The following PDK4 variants were observed in gnomAD, a reference collection of about 807,000 sequenced individuals.
PDK4 encodes pyruvate dehydrogenase kinase, isozyme 4.
Under a neutral mutation model 51.7 loss-of-function variants are expected in PDK4, and 43 were observed. That is an observed-to-expected ratio of 0.83 (90% CI 0.65 to 1.07). The LOEUF (loss-of-function observed/expected upper bound fraction) is 1.07. Ranked by LOEUF, PDK4 falls within the 50% of genes least tolerant of loss-of-function variation. The pLI is 0.00. For synonymous variants in PDK4, 170 were observed against 176.6 expected (o/e 0.96, Z 0.30); for missense variants, 498 against 503.5 (o/e 0.99, Z 0.10).
intron 2 of PDK4, 43 bp from the exon 3 acceptor site, chr7:95,593,813 C>A: frequency 2.3e-6 from 2 of 859,038 alleles, no homozygotes; most frequent in Non-Finnish European, 3.8e-6. Flanking sequence ...AATTAATAGT[C>A]AGATACAAAT....
Position 95,587,709 on chromosome 7 carries a change from A to G in PDK4, c.870+18T>C. 6.5e-7 allele frequency: 1 copy of G among 1,540,476 alleles called. No homozygotes were observed. The highest frequency in any genetic ancestry group is 9.0e-7 in the Non-Finnish European group (1 of 1,112,906). ...ATTCTCTCAAGAGACACCCAAAAGG[A>G]AAACAGAGAATGGTTACCTTAATGG... On this transcript the variant is annotated intron_variant, in intron 8 of 10. Transcript: ENST00000005178.
At chr7:95,587,692 A>C (rs772641810) in intron 8 of PDK4, 35 bp downstream of exon 8, 1 of 1,441,076 alleles carries the variant, frequency 6.9e-7, no homozygotes, top group Admixed American at 1.7e-5. Context: ...TAATTCTCTC[A>C]AGAGACACCC....
Position 95,587,741 on chromosome 7 carries a change from C to G in PDK4, c.856G>C (p.Asp286His). 1 of 1,608,554 alleles carries G rather than the reference C, an allele frequency of 6.2e-7. No individual in the cohort carries two copies. The highest frequency in any genetic ancestry group is 8.5e-7 in the Non-Finnish European group (1 of 1,175,000). ...AGAATGGTTACCTTAATGGTAAGGTCTTCTTTTCCCAAGACAACAATAACC... is the reference window on the plus strand; with the variant it reads ...AGAATGGTTACCTTAATGGTAAGGTGTTCTTTTCCCAAGACAACAATAACC... ...IEVIVVLGKEDLTIKISDRGG... is the reference protein window; with the variant it reads ...IEVIVVLGKEHLTIKISDRGG... The change falls in exon 8 of 11, where the codon GAC (aspartate) becomes CAC (histidine). Residue 286 changes from aspartate to histidine, a missense_variant. Transcript: ENST00000005178.
chr7:95,590,472 A>G (rs1199863289), intron 6 of PDK4, among the ~76,000 whole-genome samples: 1 of 152,208 alleles, frequency 6.6e-6, no homozygotes, highest in African/African-American at 2.4e-5. Context: ...AAATAAAAGT[A>G]TTATTCTTCA....
intron 7 of PDK4, among the ~76,000 whole-genome samples, chr7:95,588,206 T>C (rs1400308540): frequency 6.6e-6 from 1 of 152,182 alleles, no homozygotes; most frequent in African/African-American, 2.4e-5. Context: ...ATATAACAAA[T>C]GAACAGTGAA....
rs1167734278 is a variant in PDK4 at position 95,584,030 on chromosome 7, A to G, written c.*1611T>C. 2.0e-5 allele frequency: 3 copies of G among 152,218 alleles called. No homozygotes were observed. The highest frequency in any genetic ancestry group is 1.5e-5 in the Non-Finnish European group (1 of 68,022). The allele number at this position is 152,218 out of a possible 1,614,324, so 9.4% of individuals were successfully genotyped here. A position where few individuals can be genotyped will look rare whatever the true frequency, so the allele number is the denominator to read the frequency against. On this transcript the variant is annotated 3_prime_UTR_variant, in exon 11 of 11. Transcript: ENST00000005178. ...AGAAGCACCACAACACTAGGCCACC[A>G]TGAAATTACACACAAATGTCAAATT...
intron 1 of PDK4, 73 bp from the exon 2 acceptor site, chr7:95,595,237 T>A: frequency 1.0e-6 from 1 of 981,402 alleles, no homozygotes; most frequent in Admixed American, 2.1e-5. Context: ...GCATTAACTA[T>A]CAAATATTGA....
Position 95,591,981 on chromosome 7 carries a change from A to T in PDK4, c.694+7T>A. The T allele has an allele frequency of 7.3e-7, 1 of 1,370,336 alleles. No homozygotes were observed. Among genetic ancestry groups the T allele is most frequent in the Non-Finnish European group, 1.0e-6 (1 of 980,594 alleles). 84.9% of individuals were successfully genotyped at this position (1,370,336 alleles called of 1,614,324 possible). A position where few individuals can be genotyped will look rare whatever the true frequency, so the allele number is the denominator to read the frequency against. The stretch of plus-strand genomic sequence containing the variant: ...ACAGGTTAAAATATATTTTACTTAT[A>T]ACTTACCATTCACTTGTGTAAGCTT... On this transcript the variant is annotated splice_region_variant and intron_variant, in intron 6 of 10. Coordinates refer to ENST00000005178, the MANE Select transcript of PDK4 (RefSeq NM_002612.4).
At position 95,587,543 on chromosome 7, in the gene PDK4, C is replaced by A; in HGVS notation, c.871-15G>T. ...CTGTCTGAAATCTAAAACAAACAAA[C>A]AAGTCATCAAAGCCACACATTAAAA... On this transcript the variant is annotated splice_polypyrimidine_tract_variant and intron_variant, in intron 8 of 10. Coordinates refer to ENST00000005178, the MANE Select transcript of PDK4 (RefSeq NM_002612.4). The A allele has an allele frequency of 6.7e-7, 1 of 1,496,280 alleles. No individual in the cohort carries two copies. The highest frequency in any genetic ancestry group is 9.3e-7 in the Non-Finnish European group (1 of 1,072,596). 92.7% of individuals were successfully genotyped at this position (1,496,280 alleles called of 1,614,324 possible).
At chr7:95,591,140 T>C (rs1791547783) in intron 6 of PDK4, among the ~76,000 whole-genome samples, 1 of 152,112 alleles carries the variant, frequency 6.6e-6, no homozygotes, top group South Asian at 2.1e-4. Flanking sequence ...CTCCCTTTAT[T>C]GCCCAGGCTG....
intron 6 of PDK4, among the ~76,000 whole-genome samples, chr7:95,591,663 C>T (rs999396576): frequency 6.6e-6 from 1 of 152,152 alleles, no homozygotes; most frequent in African/African-American, 2.4e-5. Flanking sequence ...CTATATCCTC[C>T]CTACTTCTGG....
At position 95,584,186 on chromosome 7, in the gene PDK4, G is replaced by A. The variant is rs1480430908; in HGVS notation, c.*1455C>T. 1.3e-5 allele frequency: 2 copies of A among 152,102 alleles called. No homozygotes were observed. Among genetic ancestry groups the A allele is most frequent in the South Asian group, 2.1e-4 (1 of 4,824 alleles). 9.4% of individuals were successfully genotyped at this position (152,102 alleles called of 1,614,324 possible). ...GCCTACTATCTTGTAAGAGTGAGAG[G>A]CATTTAAAGAATCCATACTGCTTTC... On this transcript the variant is annotated 3_prime_UTR_variant, in exon 11 of 11. Transcript: ENST00000005178.
At position 95,587,788 on chromosome 7, in the gene PDK4, T is replaced by A. The variant is rs773695803; in HGVS notation, c.809A>T (p.Gln270Leu). 3 of 1,613,608 alleles carry A rather than the reference T, an allele frequency of 1.9e-6. No homozygotes were observed. In the Admixed American group the frequency reaches 5.0e-5, roughly 27 times the overall value. The change falls in exon 8 of 11, where the codon CAG (glutamine) becomes CTG (leucine). Residue 270 changes from glutamine (Q) to leucine (L), a missense_variant. Transcript: ENST00000005178. ...AACCTCTATTGGTGTAAGGGAAGGC[T>A]GATTTTCCTGGTGTTCAACTGTTGC... The part of the protein sequence containing the change: ...MRATVEHQEN[Q>L]PSLTPIEVIV...
chr7:95,592,615 C>CT lies in PDK4; in HGVS notation c.530-19_530-18insA. ...TATAAGAACTGTTGAAAAATAAAAACAAAAAAAAATTGTTATAAAATTCAG... is the reference window on the plus strand; with the variant it reads ...TATAAGAACTGTTGAAAAATAAAAACTAAAAAAAAATTGTTATAAAATTCAG... On this transcript the variant is annotated intron_variant, in intron 4 of 10. Transcript: ENST00000005178. 6.5e-7 allele frequency: 1 copy of CT among 1,533,454 alleles called. No individual in the cohort carries two copies. 95.0% of individuals were successfully genotyped at this position (1,533,454 alleles called of 1,614,324 possible). A position where few individuals can be genotyped will look rare whatever the true frequency, so the allele number is the denominator to read the frequency against.
At chr7:95,591,884 G>C (rs1791556396) in intron 6 of PDK4, 104 bp downstream of exon 6, 2 of 642,426 alleles carry the variant, frequency 3.1e-6, no homozygotes, top group South Asian at 4.1e-5. Flanking sequence ...CTTTAGGCAA[G>C]AGAAAAAATG....
At chr7:95,585,811 C>A in intron 10 of PDK4, 30 bp from the exon 11 acceptor site, 1 of 1,568,708 alleles carries the variant, frequency 6.4e-7, no homozygotes, top group Non-Finnish European at 8.7e-7. Flanking sequence ...AAACATGAGA[C>A]CAAAGAAATT....
At chr7:95,593,033 T>C (rs942518844) in intron 3 of PDK4, 89 bp from the exon 4 acceptor site, 2 of 755,396 alleles carry the variant, frequency 2.6e-6, no homozygotes, top group South Asian at 2.3e-5. Context: ...GCTAAAGTTT[T>C]TTTTGCATTA....
chr7:95,589,467 A>G (rs973094677), intron 7 of PDK4, among the ~76,000 whole-genome samples, 173 bp downstream of exon 7: 9 of 152,252 alleles, frequency 5.9e-5, no homozygotes, highest in Admixed American at 6.5e-5. Flanking sequence ...ACAATGAGCT[A>G]CATGTACTTT....
At position 95,591,371 on chromosome 7, in the gene PDK4, T is replaced by C. The variant is rs999849176; in HGVS notation, c.694+617A>G. Among the ~76,000 whole-genome samples the C allele has an allele frequency of 9.2e-5, 14 of 152,336 alleles. 1 individual carries two copies. Among genetic ancestry groups the C allele is most frequent in the African/African-American group, 3.4e-4 (14 of 41,584 alleles). ...ACAAAATGTTAAGTGTACAATACAA[T>C]ATCCTTAACTATAAGCACTATGTTG... is the stretch of plus-strand genomic sequence containing the variant. On this transcript the variant is annotated intron_variant, in intron 6 of 10. Coordinates refer to ENST00000005178, the MANE Select transcript of PDK4 (RefSeq NM_002612.4).
Sources: gnomAD v4.1 joint callset for allele counts (sites outside exome capture counted in the v4.1 genomes callset) on GRCh38, gnomAD v4.1.1 for gene constraint, MANE v1.5 for transcripts, NCBI Gene and HGNC (gene_info 2026-07-23, HGNC 2026-07-21) for gene names.